Variants in MTREX observed in about 807,000 individuals in gnomAD.
MTREX encodes exosome RNA helicase MTR4.
A neutral mutation model predicts 135.4 loss-of-function variants in MTREX; 76 were observed. The ratio of observed to expected loss-of-function variants is 0.56; its 90% CI spans 0.47 to 0.68. The LOEUF (loss-of-function observed/expected upper bound fraction) is 0.68. Ranked by LOEUF, MTREX falls within the 30% of genes least tolerant of loss-of-function variation. The pLI, the probability that MTREX is intolerant of heterozygous loss-of-function variation, is 0.00. For missense variants in MTREX, 920 were observed against 1,262.1 expected (o/e 0.73, Z 4.11); for synonymous variants, 404 against 401.6 (o/e 1.01, Z -0.07).
In MTREX at chr5:55,373,487, A is replaced by G. The variant is rs375152587; in HGVS notation, c.1811-4827A>G. The stretch of plus-strand genomic sequence containing the variant: ...ATTTATTTGTTGAGGAAGATGGTGC[A>G]CTCCATCTCTGTGTGGACAAAAGCT... On this transcript the variant is annotated intron_variant, in intron 16 of 26. Transcript: ENST00000230640. Among the ~76,000 whole-genome samples the G allele has an allele frequency of 2.3e-4, 35 of 151,942 alleles. No homozygotes were observed. In the East Asian group the frequency reaches 6.8e-3, roughly 29 times the overall value.
intron 16 of MTREX, among the ~76,000 whole-genome samples, chr5:55,368,854 G>A (rs1050117575): frequency 3.9e-5 from 6 of 152,074 alleles, no homozygotes; most frequent in Non-Finnish European, 7.4e-5. Context: ...TGAGCTGGAT[G>A]ATCTCAACAC....
chr5:55,356,487 G>A (rs1051762728), intron 14 of MTREX: 9 of 203,128 alleles, frequency 4.4e-5, no homozygotes, highest in Admixed American at 2.8e-4. Context: ...CAGATTCTTC[G>A]TGGATGAAGA....
At chr5:55,402,086 ATAGAG>A (rs1750730390) in intron 21 of MTREX, among the ~76,000 whole-genome samples, 1 of 152,196 alleles carries the variant, frequency 6.6e-6, no homozygotes, top group Admixed American at 6.5e-5. Flanking sequence ...AACTCCTTTA[ATAGAG>A]TAATGTGTTC....
Position 55,347,014 on chromosome 5 carries a change from A to C in MTREX, c.1110A>C (p.Gly370=), listed in dbSNP as rs1020418140. The C allele has an allele frequency of 2.5e-6, 4 of 1,604,602 alleles. No individual in the cohort carries two copies. The African/African-American group carries it at 5.4e-5, about 22-fold the overall frequency. ...DQKGRKGGTK[G]PSNVFKIVKM... is the part of the protein sequence containing the mutation. ...GTGTGTTGTTTACTGTTTTTGCAGGACCATCAAATGTTTTCAAAATTGTGA... is the reference window on the plus strand; with the variant it reads ...GTGTGTTGTTTACTGTTTTTGCAGGCCCATCAAATGTTTTCAAAATTGTGA... Residue 370 remains glycine, a splice_region_variant and synonymous_variant, in exon 11 of 27, where the codon GGA becomes GGC. Transcript: ENST00000230640.
Position 55,408,264 on chromosome 5 carries a change from C to T in MTREX, c.2646-2260C>T, listed in dbSNP as rs143610813. ...TCTTGCATATTTTTGCAAAGAACTT[C>T]GAAACTTGCTCTGAACTTCTTCAAT... is the stretch of plus-strand genomic sequence containing the variant. On this transcript the variant is annotated intron_variant, in intron 22 of 26. Coordinates refer to ENST00000230640, the MANE Select transcript of MTREX (RefSeq NM_015360.5). Among the ~76,000 whole-genome samples the T allele has an allele frequency of 1.0e-3, 159 of 152,262 alleles. 1 individual carries two copies. Among genetic ancestry groups the T allele is most frequent in the African/African-American group, 3.7e-3 (152 of 41,560 alleles).
In MTREX at chr5:55,425,496, G is replaced by C; in HGVS notation, c.*724G>C. On this transcript the variant is annotated 3_prime_UTR_variant, in exon 27 of 27. Coordinates refer to ENST00000230640, the MANE Select transcript of MTREX (RefSeq NM_015360.5). ...TAGAGACTAACTGGGATTTTTTAAA[G>C]ATTATTCCAAATTAAGAGTTGCTTT... 1 of 635,798 alleles carries C rather than the reference G, an allele frequency of 1.6e-6. No homozygotes were observed. The highest frequency in any genetic ancestry group is 2.4e-6 in the Non-Finnish European group (1 of 411,994). The allele number at this position is 635,798 out of a possible 1,614,324, so 39.4% of individuals were successfully genotyped here.
intron 19 of MTREX, among the ~76,000 whole-genome samples, chr5:55,396,056 G>C (rs936983917): frequency 6.6e-6 from 1 of 152,194 alleles, no homozygotes; most frequent in Non-Finnish European, 1.5e-5. Context: ...TGTGTAGAAA[G>C]AGAACGATGA....
chr5:55,328,825 T>C lies in MTREX; in HGVS notation c.515+14T>C, dbSNP rs1749423127. On this transcript the variant is annotated intron_variant, in intron 5 of 26. Transcript: ENST00000230640. ...AGTATGCGCCGAGTGAGTAGCTTCC[T>C]TTTTAAAGTCACTTTGTTTCTTATT... 4 of 1,494,576 alleles carry C rather than the reference T, an allele frequency of 2.7e-6. No individual in the cohort carries two copies. In the East Asian group the frequency reaches 9.1e-5, roughly 34 times the overall value. The allele number at this position is 1,494,576 out of a possible 1,614,324, so 92.6% of individuals were successfully genotyped here. A position where few individuals can be genotyped will look rare whatever the true frequency, so the allele number is the denominator to read the frequency against.
intron 3 of MTREX, chr5:55,327,484 T>C: frequency 2.3e-6 from 1 of 432,104 alleles, no homozygotes; most frequent in East Asian, 3.8e-5. Flanking sequence ...ACATCAGCTT[T>C]CAATTATTAC....
intron 2 of MTREX, 46 bp from the exon 3 acceptor site, chr5:55,324,086 A>G (rs1260947776): frequency 3.7e-6 from 5 of 1,369,404 alleles, no homozygotes; most frequent in Non-Finnish European, 3.1e-6. Context: ...ATCAAATTAT[A>G]GAAAAGTAAT....
intron 18 of MTREX, among the ~76,000 whole-genome samples, chr5:55,380,763 T>G (rs1206822321): frequency 6.6e-6 from 1 of 152,208 alleles, no homozygotes; most frequent in East Asian, 1.9e-4. Context: ...GTTGGTTTGT[T>G]GTTTTCTTGG....
At chr5:55,406,734 G>T (rs1401771742) in intron 22 of MTREX, among the ~76,000 whole-genome samples, 1 of 152,094 alleles carries the variant, frequency 6.6e-6, no homozygotes, top group African/African-American at 2.4e-5. Flanking sequence ...CTTAGACAAA[G>T]GAACTGAATT....
intron 21 of MTREX, among the ~76,000 whole-genome samples, chr5:55,400,869 T>A (rs1281080549): frequency 6.6e-6 from 1 of 152,200 alleles, no homozygotes; most frequent in Non-Finnish European, 1.5e-5. Context: ...TCTATCTGTA[T>A]GGTTTTGCCT....
intron 26 of MTREX, chr5:55,423,249 A>C (rs1751084394): frequency 2.6e-6 from 1 of 382,142 alleles, no homozygotes; most frequent in Non-Finnish European, 4.6e-6. Flanking sequence ...ACAAAAAGAC[A>C]CCCCTGCCTT....
At chr5:55,358,807 A>G in intron 15 of MTREX, 109 bp downstream of exon 15, 1 of 838,838 alleles carries the variant, frequency 1.2e-6, no homozygotes, top group Non-Finnish European at 1.8e-6. Context: ...ATGAGTTAAT[A>G]TACTGAAACT....
At chr5:55,396,470 TAAAAA>T (rs776736527) in intron 19 of MTREX, among the ~76,000 whole-genome samples, 3 of 151,926 alleles carry the variant, frequency 2.0e-5, no homozygotes, top group Non-Finnish European at 2.9e-5. Context: ...TTCAAATGAT[TAAAAA>T]AGGAAGAGGA....
In MTREX at chr5:55,425,277, CCTCTT is replaced by C; in HGVS notation, c.*506_*510del. The C allele has an allele frequency of 6.2e-7, 1 of 1,612,044 alleles. No homozygotes were observed. Among genetic ancestry groups the C allele is most frequent in the Non-Finnish European group, 8.5e-7 (1 of 1,178,324 alleles). ...TCATGCAGAGTTGTATGAGAGTCCT[CCTCTT>C]TTCTTTCTTTAAAAGAAGTTCTTTC... On this transcript the variant is annotated 3_prime_UTR_variant, in exon 27 of 27. Transcript: ENST00000230640.
intron 11 of MTREX, 144 bp from the exon 12 acceptor site, chr5:55,349,429 G>A (rs1749789388): frequency 3.5e-6 from 2 of 575,182 alleles, no homozygotes; most frequent in South Asian, 4.7e-5. Flanking sequence ...CCTCAAGCCA[G>A]CCACCTGCCT....
At chr5:55,421,844 C>T (rs1751060203) in intron 25 of MTREX, among the ~76,000 whole-genome samples, 1 of 152,136 alleles carries the variant, frequency 6.6e-6, no homozygotes, top group Non-Finnish European at 1.5e-5. Context: ...TTTGGATATA[C>T]TTGTTTGCAT....
Sources: allele counts gnomAD v4.1 joint callset (sites outside exome capture counted in the v4.1 genomes callset), GRCh38; gene constraint gnomAD v4.1.1; transcripts MANE v1.5; gene names NCBI Gene and HGNC (gene_info 2026-07-23, HGNC 2026-07-21).